The following LTN1 variants were observed in gnomAD, a reference collection of about 807,000 sequenced individuals.
The protein encoded by LTN1 is E3 ubiquitin-protein ligase listerin.
A neutral mutation model predicts 201.2 loss-of-function variants in LTN1; 88 were observed. That is an observed-to-expected ratio of 0.44 (90% CI 0.37 to 0.52). LTN1 has a LOEUF of 0.52. LTN1 is among the 20% of genes least tolerant of loss of function. The pLI, the probability that LTN1 is intolerant of heterozygous loss-of-function variation, is 0.00. For synonymous variants in LTN1, 645 were observed against 713.5 expected, an observed-to-expected ratio of 0.90 and a Z score of 1.53; for missense variants, 1,752 against 2,038.7, an observed-to-expected ratio of 0.86 and a Z score of 2.71.
At chr21:28,971,775 G>A (rs2084577169) in intron 6 of LTN1, among the ~76,000 whole-genome samples, 1 of 151,986 alleles carries the variant, frequency 6.6e-6, no homozygotes, top group African/African-American at 2.4e-5. Context: ...ACAATCAGGA[G>A]AAATAAAAGA....
intron 27 of LTN1, among the ~76,000 whole-genome samples, chr21:28,933,314 C>T (rs963633766): frequency 5.3e-5 from 8 of 152,158 alleles, no homozygotes; most frequent in Non-Finnish European, 1.0e-4. Flanking sequence ...CTGCCTCACC[C>T]ATGCCCTAGT....
chr21:28,990,221 T>C (rs1391484399), intron 1 of LTN1, among the ~76,000 whole-genome samples: 1 of 152,176 alleles, frequency 6.6e-6, no homozygotes, highest in African/African-American at 2.4e-5. Context: ...ATCATCAAAC[T>C]AATAGTTCAA....
chr21:28,989,801 G>T (rs917916668), intron 1 of LTN1, among the ~76,000 whole-genome samples: 3 of 151,984 alleles, frequency 2.0e-5, no homozygotes, highest in Non-Finnish European at 4.4e-5. Flanking sequence ...GATCACTTCA[G>T]GCCAAGAGTT....
intron 21 of LTN1, among the ~76,000 whole-genome samples, 157 bp from the exon 22 acceptor site, chr21:28,944,753 C>G (rs1419747260): frequency 6.6e-6 from 1 of 152,094 alleles, no homozygotes; most frequent in Non-Finnish European, 1.5e-5. Context: ...AATTTTACAT[C>G]AAAATAACTT....
chr21:28,969,037 A>G (rs1215824976), intron 9 of LTN1, among the ~76,000 whole-genome samples: 2 of 151,756 alleles, frequency 1.3e-5, no homozygotes, highest in Non-Finnish European at 2.9e-5. Context: ...CCTGGCCAAC[A>G]TGGTGAAACG....
At chr21:28,966,280 C>T in intron 10 of LTN1, 90 bp downstream of exon 10, 1 of 1,106,766 alleles carries the variant, frequency 9.0e-7, no homozygotes, top group Non-Finnish European at 1.3e-6. Context: ...AATTGACACT[C>T]ACAGTGAAGA....
rs575841665 is a variant in LTN1, at chr21:28,971,451, G to T, written c.811-7C>A. 1.2e-6 allele frequency: 2 copies of T among 1,610,860 alleles called. No individual in the cohort carries two copies. ...CAAAATAAGCTGAGCGAATCTAAAA[G>T]AATGCAAAGCTGAATTAAATTAAAA... On this transcript the variant is annotated splice_polypyrimidine_tract_variant and splice_region_variant and intron_variant, in intron 6 of 29. Transcript: ENST00000361371.
At chr21:28,954,181 AT>A (rs1194543470) in intron 16 of LTN1, among the ~76,000 whole-genome samples, 20 of 152,324 alleles carry the variant, frequency 1.3e-4, no homozygotes, top group African/African-American at 4.8e-4. Flanking sequence ...CTAGTTTTGG[AT>A]TTGCACAGAT....
At position 28,932,563 on chromosome 21, in the gene LTN1, A is replaced by G; in HGVS notation, c.4977T>C (p.Gly1659=). 6.2e-7 allele frequency: 1 copy of G among 1,613,802 alleles called. No homozygotes were observed. The highest frequency in any genetic ancestry group is 8.5e-7 in the Non-Finnish European group (1 of 1,179,728). ...TTTTCCCACTTTCTACTATTATTGA[A>G]CCCAGTGGATAATTTGAAGGCAGTT... ...IIQLPSNYPL[G]SIIVESGKRV... is the part of the protein sequence containing the mutation. The change falls in exon 28 of 30, where the codon GGT becomes GGC. Residue 1659 remains glycine (G), a synonymous_variant. Coordinates refer to ENST00000361371, the MANE Select transcript of LTN1 (RefSeq NM_015565.3).
intron 27 of LTN1, among the ~76,000 whole-genome samples, chr21:28,934,564 ATGAT>A (rs371977108): frequency 2.4e-3 from 366 of 152,150 alleles, no homozygotes; most frequent in African/African-American, 7.0e-3. Context: ...GCCTTCCGCC[ATGAT>A]TGTAAGTTTC....
At chr21:28,991,172 A>G (rs2146322822) in intron 1 of LTN1, among the ~76,000 whole-genome samples, 1 of 151,490 alleles carries the variant, frequency 6.6e-6, no homozygotes, top group Admixed American at 6.6e-5. Flanking sequence ...CAGGAGTCCT[A>G]GCTACTAAGG....
At chr21:28,980,186 C>T (rs1252651542) in intron 6 of LTN1, among the ~76,000 whole-genome samples, 2 of 151,688 alleles carry the variant, frequency 1.3e-5, no homozygotes, top group African/African-American at 4.8e-5. Flanking sequence ...TTTTAAATGG[C>T]CTCCAAGCAG....
Position 28,967,126 on chromosome 21 carries a change from C to T in LTN1, c.1365G>A (p.Gln455=), listed in dbSNP as rs745744443. 5 of 1,613,902 alleles carry T rather than the reference C, an allele frequency of 3.1e-6. No individual in the cohort carries two copies. The East Asian group carries it at 1.1e-4, about 36-fold the overall frequency. The change falls in exon 10 of 30, where the codon CAG becomes CAA. Residue 455 remains glutamine (Q), a synonymous_variant. Transcript: ENST00000361371. ...VLKDPGLQHG[Q]LFNHLAETLS... The stretch of plus-strand genomic sequence containing the variant: ...GAGTTTCTGCTAAATGGTTAAATAG[C>T]TGCCCATGTTGCAATCCTGGGTCTT...
intron 6 of LTN1, among the ~76,000 whole-genome samples, chr21:28,972,227 T>C (rs775120140): frequency 3.9e-5 from 6 of 152,156 alleles, no homozygotes; most frequent in African/African-American, 7.2e-5. Context: ...AGACACTGAA[T>C]CTGCTGGCAC....
chr21:28,983,454 A>G (rs757351484), intron 4 of LTN1, among the ~76,000 whole-genome samples: 112 of 152,354 alleles, frequency 7.4e-4, no homozygotes, highest in Admixed American at 5.2e-4. Flanking sequence ...CCATTTGAGC[A>G]TATGATTAAA....
chr21:28,979,565 T>A (rs973084945), intron 6 of LTN1, among the ~76,000 whole-genome samples: 1 of 152,152 alleles, frequency 6.6e-6, no homozygotes, highest in African/African-American at 2.4e-5. Flanking sequence ...AATTAAAAAC[T>A]CAAGCACACA....
At chr21:28,975,794 A>T (rs2084610510) in intron 6 of LTN1, among the ~76,000 whole-genome samples, 1 of 152,226 alleles carries the variant, frequency 6.6e-6, no homozygotes, top group South Asian at 2.1e-4. Context: ...ACTTTAGAAA[A>T]CATCTTGGTA....
At chr21:28,987,564 T>C (rs187966277) in intron 1 of LTN1, among the ~76,000 whole-genome samples, 6 of 152,290 alleles carry the variant, frequency 3.9e-5, no homozygotes, top group African/African-American at 1.4e-4. Context: ...ATTATAGCCA[T>C]AAAAATCAAT....
intron 22 of LTN1, among the ~76,000 whole-genome samples, chr21:28,944,150 T>C (rs2084318906): frequency 6.6e-6 from 1 of 152,240 alleles, no homozygotes; most frequent in Admixed American, 6.5e-5. Context: ...ATTCATGTTA[T>C]CTGAAGTATT....
Sources: gnomAD v4.1 joint callset for allele counts (sites outside exome capture counted in the v4.1 genomes callset) on GRCh38, gnomAD v4.1.1 for gene constraint, MANE v1.5 for transcripts, NCBI Gene and HGNC (gene_info 2026-07-23, HGNC 2026-07-21) for gene names.